DDAH1: variants seen among roughly 807,000 people sequenced by gnomAD.
The protein encoded by DDAH1 is dimethylarginine dimethylaminohydrolase 1.
Under a neutral mutation model 28.8 loss-of-function variants are expected in DDAH1, and 19 were observed. That is an observed-to-expected ratio of 0.66 (90% CI 0.46 to 0.97). DDAH1 has a LOEUF of 0.97. DDAH1 is among the 50% of genes least tolerant of loss of function. The pLI is 0.00. For missense variants in DDAH1, 326 were observed against 375.9 expected (o/e 0.87, Z 1.10); for synonymous variants, 153 against 154.4 (o/e 0.99, Z 0.07).
intron 1 of DDAH1, among the ~76,000 whole-genome samples, chr1:85,397,036 TAAA>T (rs34296620): frequency 2.1e-5 from 3 of 145,600 alleles, no homozygotes; most frequent in Non-Finnish European, 1.5e-5. Context: ...GACCCTGTCT[TAAA>T]AAAAAAAAAA....
Position 85,465,081 on chromosome 1 carries a change from A to C in DDAH1, c.-36T>G, listed in dbSNP as rs562727320. 8.3e-4 allele frequency: 1,005 copies of C among 1,216,642 alleles called. 4 individuals carry two copies. In the African/African-American group the frequency reaches 0.014, roughly 17 times the overall value. 75.4% of individuals were successfully genotyped at this position (1,216,642 alleles called of 1,614,324 possible). A position where few individuals can be genotyped will look rare whatever the true frequency, so the allele number is the denominator to read the frequency against. ...GGCTTAGGGGCGGCGGCGGCGGCGGAGGCGGCCGGGTCCTGCCGCGGGCAG... is the reference window on the plus strand; with the variant it reads ...GGCTTAGGGGCGGCGGCGGCGGCGGCGGCGGCCGGGTCCTGCCGCGGGCAG... On this transcript the variant is annotated 5_prime_UTR_variant, in exon 1 of 6. Coordinates refer to ENST00000284031, the MANE Select transcript of DDAH1 (RefSeq NM_012137.4).
intron 1 of DDAH1, among the ~76,000 whole-genome samples, chr1:85,428,322 T>C (rs2100629028): frequency 6.6e-6 from 1 of 152,206 alleles, no homozygotes; most frequent in East Asian, 1.9e-4. Context: ...GGCCTCACAA[T>C]CATGGCAGAA....
chr1:85,401,026 T>C (rs1652077633), intron 1 of DDAH1, among the ~76,000 whole-genome samples: 1 of 152,196 alleles, frequency 6.6e-6, no homozygotes, highest in Non-Finnish European at 1.5e-5. Flanking sequence ...TTCAAAGACA[T>C]TGTAGGCAAA....
intron 1 of DDAH1, among the ~76,000 whole-genome samples, chr1:85,532,414 G>C (rs1465658567): frequency 6.6e-6 from 1 of 152,016 alleles, no homozygotes; most frequent in African/African-American, 2.4e-5. Flanking sequence ...TACAATGTGA[G>C]TATCAAATTC....
chr1:85,366,841 T>C (rs552238398), intron 1 of DDAH1, among the ~76,000 whole-genome samples: 13 of 152,292 alleles, frequency 8.5e-5, no homozygotes, highest in African/African-American at 2.9e-4. Context: ...CACTAACTTA[T>C]GATACTTATA....
At chr1:85,559,886 A>G (rs1659092713) in intron 1 of DDAH1, among the ~76,000 whole-genome samples, 1 of 152,162 alleles carries the variant, frequency 6.6e-6, no homozygotes, top group South Asian at 2.1e-4. Context: ...GTCCACATGG[A>G]GAGAAGTAGG....
chr1:85,557,253 CA>C (rs1370480318), intron 1 of DDAH1, among the ~76,000 whole-genome samples: 1 of 152,160 alleles, frequency 6.6e-6, no homozygotes, highest in African/African-American at 2.4e-5. Context: ...GTGTTAAGTA[CA>C]GTGTTAAATA....
chr1:85,540,140 A>AC (rs397935736), intron 1 of DDAH1, among the ~76,000 whole-genome samples: 2 of 152,036 alleles, frequency 1.3e-5, no homozygotes, highest in African/African-American at 2.4e-5. Context: ...TGAGAAAAAA[A>AC]TAATGTGAAT....
chr1:85,342,497 G>T (rs1352914800), intron 4 of DDAH1, among the ~76,000 whole-genome samples: 1 of 151,876 alleles, frequency 6.6e-6, no homozygotes, highest in Non-Finnish European at 1.5e-5. Context: ...TGGTAACTTG[G>T]AATATTTTAA....
chr1:85,383,275 C>A (rs1212584419), intron 1 of DDAH1, among the ~76,000 whole-genome samples: 2 of 152,162 alleles, frequency 1.3e-5, no homozygotes, highest in Non-Finnish European at 2.9e-5. Flanking sequence ...CTGATTCCAA[C>A]TTTGAATGGT....
intron 1 of DDAH1, among the ~76,000 whole-genome samples, chr1:85,409,878 AC>A (rs1357810436): frequency 6.6e-6 from 1 of 152,232 alleles, no homozygotes; most frequent in African/African-American, 2.4e-5. Flanking sequence ...TCATTGCTAT[AC>A]TAGTCCTCAG....
chr1:85,482,280 A>G (rs1656036472), intron 2 of DDAH1: 1 of 152,218 alleles, frequency 6.6e-6, no homozygotes, highest in Non-Finnish European at 1.5e-5. Context: ...ATACCAAGTG[A>G]TATGTATTTT....
chr1:85,362,332 G>T (rs932776865), intron 1 of DDAH1, among the ~76,000 whole-genome samples: 1 of 152,220 alleles, frequency 6.6e-6, no homozygotes, highest in South Asian at 2.1e-4. Context: ...ATGTTCCACA[G>T]GACTCAAAAG....
chr1:85,540,115 TA>T (rs1394816457), intron 1 of DDAH1, among the ~76,000 whole-genome samples: 11 of 127,766 alleles, frequency 8.6e-5, no homozygotes, highest in Non-Finnish European at 3.6e-5. Context: ...TTTCTTGATT[TA>T]AAAAACACTA....
intron 1 of DDAH1, among the ~76,000 whole-genome samples, chr1:85,359,517 ATTGCACAC>A (rs1484332781): frequency 6.6e-6 from 1 of 152,200 alleles, no homozygotes; most frequent in African/African-American, 2.4e-5. Context: ...TTTAGTCAGA[ATTGCACAC>A]ACACACACAG....
chr1:85,425,141 A>G (rs138461012), intron 1 of DDAH1, among the ~76,000 whole-genome samples: 2 of 152,252 alleles, frequency 1.3e-5, no homozygotes, highest in African/African-American at 4.8e-5. Context: ...TACCAGATGA[A>G]GTTAGGCATT....
intron 5 of DDAH1, among the ~76,000 whole-genome samples, chr1:85,323,377 T>C (rs936412394): frequency 8.5e-5 from 13 of 152,190 alleles, no homozygotes; most frequent in Admixed American, 3.3e-4. Context: ...AGCACTGTTA[T>C]GTTTGCTTGG....
intron 1 of DDAH1, among the ~76,000 whole-genome samples, chr1:85,551,572 C>T (rs1658792775): frequency 6.6e-6 from 1 of 152,214 alleles, no homozygotes; most frequent in African/African-American, 2.4e-5. Context: ...TGATCACCTA[C>T]TCCGTGCTAG....
intron 1 of DDAH1, among the ~76,000 whole-genome samples, chr1:85,410,629 C>A (rs1652610420): frequency 2.1e-5 from 2 of 93,228 alleles, no homozygotes; most frequent in Admixed American, 1.3e-4. Flanking sequence ...AAGAGCGAAG[C>A]TCTGCCTCAA....
Sources: allele counts gnomAD v4.1 joint callset (sites outside exome capture counted in the v4.1 genomes callset), GRCh38; gene constraint gnomAD v4.1.1; transcripts MANE v1.5; gene names NCBI Gene and HGNC (gene_info 2026-07-23, HGNC 2026-07-21).